Variants in ZBBX observed in about 807,000 individuals in gnomAD.
The protein encoded by ZBBX is zinc finger B-box domain-containing protein 1.
A neutral mutation model predicts 108.5 loss-of-function variants in ZBBX; 101 were observed. The ratio of observed to expected loss-of-function variants is 0.93; its 90% CI spans 0.79 to 1.10. ZBBX has a LOEUF of 1.10. ZBBX is among the 50% of genes least tolerant of loss of function. ZBBX has a pLI of 0.00. For synonymous variants in ZBBX, 356 were observed against 323.4 expected (o/e 1.10, Z -1.08); for missense variants, 1,009 against 941.4 (o/e 1.07, Z -0.94).
chr3:167,308,339 G>C (rs920933894), intron 16 of ZBBX, among the ~76,000 whole-genome samples: 1 of 152,106 alleles, frequency 6.6e-6, no homozygotes, highest in Non-Finnish European at 1.5e-5. Context: ...GCAGAGAAAG[G>C]AACACTTATA....
chr3:167,333,225 G>T (rs1414814749), intron 10 of ZBBX, among the ~76,000 whole-genome samples: 2 of 151,966 alleles, frequency 1.3e-5, no homozygotes, highest in Admixed American at 6.6e-5. Context: ...TTTTTGAACT[G>T]CAGGGAAAAG....
At chr3:167,218,732 C>T in the ZBBX span, among the ~76,000 whole-genome samples, 1 of 151,884 alleles carries the variant, frequency 6.6e-6, no homozygotes, top group African/African-American at 2.4e-5. Context: ...GACCACAAAA[C>T]AACCAGAACA....
chr3:167,229,658 A>G, the ZBBX span, among the ~76,000 whole-genome samples: 1 of 151,770 alleles, frequency 6.6e-6, no homozygotes, highest in African/African-American at 2.4e-5. Flanking sequence ...GCCACCTCCC[A>G]TCCATCAACA....
chr3:167,330,910 AGGCATC>A (rs1560136486), intron 10 of ZBBX, among the ~76,000 whole-genome samples: 3 of 76,020 alleles, frequency 3.9e-5, no homozygotes, highest in Non-Finnish European at 5.9e-5. Flanking sequence ...GAAGAAGAAG[AGGCATC>A]ATATATCTCT....
At position 167,347,095 on chromosome 3, in the gene ZBBX, A is replaced by T. The variant is rs144942646; in HGVS notation, c.528+3325T>A. Among the ~76,000 whole-genome samples, 917 of 152,038 alleles carry T rather than the reference A, an allele frequency of 6.0e-3. 10 individuals carry two copies. Among genetic ancestry groups the T allele is most frequent in the African/African-American group, 0.021 (865 of 41,552 alleles). On this transcript the variant is annotated intron_variant, in intron 9 of 21. Transcript: ENST00000675490. The stretch of plus-strand genomic sequence containing the variant: ...ATTTCTTATAATAAAGGTGGTTATT[A>T]TAACAGGCATGAGTCACTCACACAT...
At chr3:167,209,195 G>A in the ZBBX span, among the ~76,000 whole-genome samples, 1 of 148,146 alleles carries the variant, frequency 6.8e-6, no homozygotes, top group Non-Finnish European at 1.5e-5. Context: ...CAGCCTTGCT[G>A]ACATTGCCAC....
chr3:167,347,559 G>A (rs1741692140), intron 9 of ZBBX, among the ~76,000 whole-genome samples: 1 of 151,916 alleles, frequency 6.6e-6, no homozygotes, highest in Admixed American at 6.6e-5. Flanking sequence ...TAAAATTTTT[G>A]TTTTATGAAT....
chr3:167,310,806 T>C (rs1734447763), intron 16 of ZBBX, among the ~76,000 whole-genome samples: 1 of 152,102 alleles, frequency 6.6e-6, no homozygotes, highest in African/African-American at 2.4e-5. Context: ...ATATACAAGA[T>C]CTATATGAGG....
chr3:167,298,852 A>C (rs1257993947), intron 17 of ZBBX, among the ~76,000 whole-genome samples: 2 of 152,058 alleles, frequency 1.3e-5, no homozygotes, highest in African/African-American at 4.8e-5. Context: ...CTGAAGGTGA[A>C]ATACCAATGG....
At chr3:167,400,449 A>T (rs969871993) in intron 1 of ZBBX, among the ~76,000 whole-genome samples, 2 of 152,108 alleles carry the variant, frequency 1.3e-5, no homozygotes, top group African/African-American at 4.8e-5. Context: ...CATTTCGCTG[A>T]TGACTGGTGA....
chr3:167,387,615 A>G (rs1166822622), intron 1 of ZBBX, among the ~76,000 whole-genome samples: 1 of 152,040 alleles, frequency 6.6e-6, no homozygotes, highest in Non-Finnish European at 1.5e-5. Flanking sequence ...TTACTGAAAC[A>G]TACAAGGGAC....
chr3:167,345,040 A>G (rs968138964), intron 9 of ZBBX, among the ~76,000 whole-genome samples: 5 of 151,904 alleles, frequency 3.3e-5, no homozygotes, highest in Non-Finnish European at 7.4e-5. Context: ...CCTTTTAATT[A>G]TCCAATCCTT....
intron 19 of ZBBX, among the ~76,000 whole-genome samples, chr3:167,287,562 A>T (rs1375025465): frequency 6.6e-6 from 1 of 152,172 alleles, no homozygotes; most frequent in South Asian, 2.1e-4. Flanking sequence ...GCTTGAACAA[A>T]TGTTTTTTAT....
At chr3:167,371,158 C>A (rs1485046910) in intron 4 of ZBBX, among the ~76,000 whole-genome samples, 7 of 152,174 alleles carry the variant, frequency 4.6e-5, no homozygotes, top group African/African-American at 1.7e-4. Flanking sequence ...GGGAGACGTA[C>A]AGGCCAGGGA....
At chr3:167,307,584 CA>C (rs1279709110) in intron 16 of ZBBX, among the ~76,000 whole-genome samples, 4 of 151,924 alleles carry the variant, frequency 2.6e-5, no homozygotes, top group Non-Finnish European at 5.9e-5. Flanking sequence ...GAAGAGTTAC[CA>C]AAATAGCATG....
At chr3:167,194,562 A>C in the ZBBX span, among the ~76,000 whole-genome samples, 1 of 152,216 alleles carries the variant, frequency 6.6e-6, no homozygotes, top group African/African-American at 2.4e-5. Flanking sequence ...TGTAAAACTG[A>C]GCAAATATAA....
At chr3:167,391,117 G>A (rs1285739211) in intron 1 of ZBBX, among the ~76,000 whole-genome samples, 1 of 152,068 alleles carries the variant, frequency 6.6e-6, no homozygotes, top group Non-Finnish European at 1.5e-5. Flanking sequence ...TATTGGCTAT[G>A]GGTTTGTCAA....
At chr3:167,345,299 T>A (rs548411495) in intron 9 of ZBBX, among the ~76,000 whole-genome samples, 2 of 151,988 alleles carry the variant, frequency 1.3e-5, no homozygotes, top group Admixed American at 1.3e-4. Context: ...GATAGCAACA[T>A]GGTTTTTAAA....
At chr3:167,390,203 C>T in intron 1 of ZBBX, among the ~76,000 whole-genome samples, 1 of 152,042 alleles carries the variant, frequency 6.6e-6, no homozygotes, top group East Asian at 1.9e-4. Context: ...TTTCCTAGCA[C>T]CATTTATTAA....
Sources: gnomAD v4.1 joint callset for allele counts (sites outside exome capture counted in the v4.1 genomes callset) on GRCh38, gnomAD v4.1.1 for gene constraint, MANE v1.5 for transcripts, NCBI Gene and HGNC (gene_info 2026-07-23, HGNC 2026-07-21) for gene names.